SLC26A7: variants seen among roughly 807,000 people sequenced by gnomAD.
The protein encoded by SLC26A7 is anion exchange transporter.
In SLC26A7, 59 loss-of-function variants were observed where a neutral mutation model predicts 82.5. That is an observed-to-expected ratio of 0.72 (90% CI 0.58 to 0.89). The LOEUF is 0.89. Among genes scored for constraint, SLC26A7 ranks in the 40% least tolerant of loss-of-function variants. The pLI, the probability that SLC26A7 is intolerant of heterozygous loss-of-function variation, is 0.00. For missense variants in SLC26A7, 820 were observed against 793.0 expected (o/e 1.03, Z -0.41); for synonymous variants, 271 against 274.3 (o/e 0.99, Z 0.12).
At chr8:91,257,953 A>G (rs1338174620) in intron 2 of SLC26A7, among the ~76,000 whole-genome samples, 1 of 152,068 alleles carries the variant, frequency 6.6e-6, no homozygotes, top group Non-Finnish European at 1.5e-5. Flanking sequence ...GCCTCTTCAC[A>G]GGGTGGCAGG....
At chr8:91,283,923 C>A (rs1011465792) in intron 2 of SLC26A7, among the ~76,000 whole-genome samples, 6 of 152,000 alleles carry the variant, frequency 3.9e-5, no homozygotes, top group African/African-American at 1.5e-4. Context: ...CCTAGAGTTC[C>A]TTTTCTACCA....
intron 2 of SLC26A7, among the ~76,000 whole-genome samples, chr8:91,258,742 G>A (rs190179950): frequency 5.1e-4 from 77 of 152,164 alleles, no homozygotes; most frequent in Non-Finnish European, 9.1e-4. Context: ...TTAGCATAAG[G>A]CAGAAGGAGT....
intron 2 of SLC26A7, among the ~76,000 whole-genome samples, chr8:91,252,867 T>C (rs1240232989): frequency 6.6e-6 from 1 of 152,060 alleles, no homozygotes; most frequent in Non-Finnish European, 1.5e-5. Context: ...GATCCTCATG[T>C]CCCCTATATG....
chr8:91,319,862 T>C (rs1812742160), intron 5 of SLC26A7, among the ~76,000 whole-genome samples: 1 of 152,210 alleles, frequency 6.6e-6, no homozygotes, highest in Non-Finnish European at 1.5e-5. Flanking sequence ...TTTTTCTAGT[T>C]GTGTTAAAGA....
chr8:91,324,615 G>T (rs1462446735), intron 5 of SLC26A7, among the ~76,000 whole-genome samples: 2 of 152,206 alleles, frequency 1.3e-5, no homozygotes, highest in East Asian at 3.8e-4. Context: ...TGAGGATACA[G>T]TTGAACAATA....
chr8:91,288,788 T>G (rs1563661684), intron 2 of SLC26A7, among the ~76,000 whole-genome samples: 1 of 152,178 alleles, frequency 6.6e-6, no homozygotes, highest in African/African-American at 2.4e-5. Flanking sequence ...CACATAAAAT[T>G]ATACATGTGA....
intron 13 of SLC26A7, among the ~76,000 whole-genome samples, chr8:91,365,076 TG>T (rs1414658186): frequency 1.3e-5 from 2 of 152,326 alleles, no homozygotes; most frequent in Admixed American, 1.3e-4. Flanking sequence ...CTTCCTGATT[TG>T]AGAGATCTCT....
At chr8:91,353,381 T>C (rs1169865822) in intron 11 of SLC26A7, among the ~76,000 whole-genome samples, 1 of 152,162 alleles carries the variant, frequency 6.6e-6, no homozygotes, top group Non-Finnish European at 1.5e-5. Flanking sequence ...TCACTAAGAA[T>C]GCACGCTGCG....
chr8:91,321,200 T>C lies in SLC26A7; in HGVS notation c.642+2820T>C, dbSNP rs548641172. 5.9e-5 allele frequency among the ~76,000 whole-genome samples: 9 copies of C among 152,330 alleles called. No individual in the cohort carries two copies. In the East Asian group the frequency reaches 1.5e-3, roughly 26 times the overall value. On this transcript the variant is annotated intron_variant, in intron 5 of 18. Coordinates refer to ENST00000276609, the MANE Select transcript of SLC26A7 (RefSeq NM_052832.4). ...CTAATATTTCCATCTCTTTGGTTGC[T>C]CTGGGGTGGCAGGTGTTCTTGCCAC...
At chr8:91,310,338 T>G (rs1198877235) in intron 4 of SLC26A7, among the ~76,000 whole-genome samples, 2 of 152,110 alleles carry the variant, frequency 1.3e-5, no homozygotes, top group African/African-American at 4.8e-5. Flanking sequence ...CAGGGTTGGC[T>G]CCATTGGTTG....
chr8:91,392,714 G>A (rs946982658), intron 16 of SLC26A7, among the ~76,000 whole-genome samples: 1 of 152,178 alleles, frequency 6.6e-6, no homozygotes, highest in African/African-American at 2.4e-5. Context: ...GTTGAAGGAA[G>A]TAGGCTGACT....
At chr8:91,278,662 G>C (rs1563656543) in intron 2 of SLC26A7, among the ~76,000 whole-genome samples, 1 of 151,960 alleles carries the variant, frequency 6.6e-6, no homozygotes, top group Non-Finnish European at 1.5e-5. Flanking sequence ...TGCTTATGAA[G>C]TACAACATGA....
intron 4 of SLC26A7, among the ~76,000 whole-genome samples, chr8:91,316,970 A>G (rs1812649725): frequency 1.5e-5 from 2 of 136,346 alleles, no homozygotes; most frequent in African/African-American, 5.5e-5. Context: ...CTTGGGCAAC[A>G]CAGTGAGACC....
rs1486503668 is a variant in SLC26A7 at position 91,249,601 on chromosome 8, A to AT, written c.-43dup. On this transcript the variant is annotated 5_prime_UTR_variant, in exon 2 of 19. It removes the in-frame stop codon of an upstream open reading frame in the 5' UTR. Transcript: ENST00000276609. ...CATTGAAAGGAGGTGTTCTGCAATG[A>AT]TTTTTTTTCTTGTTTAGAGAAGTTT... The AT allele has an allele frequency of 1.3e-5, 19 of 1,430,402 alleles. No homozygotes were observed. Among genetic ancestry groups the AT allele is most frequent in the South Asian group, 6.5e-5 (4 of 61,524 alleles). 88.6% of individuals were successfully genotyped at this position (1,430,402 alleles called of 1,614,324 possible).
At chr8:91,247,289 T>C (rs1215376117), upstream of SLC26A7, among the ~76,000 whole-genome samples, 4 of 152,230 alleles carry the variant, frequency 2.6e-5, no homozygotes, top group African/African-American at 4.8e-5. Flanking sequence ...ATATAGATGG[T>C]ACATACTGTT....
chr8:91,363,159 T>C (rs1454733146), intron 12 of SLC26A7, among the ~76,000 whole-genome samples: 3 of 152,090 alleles, frequency 2.0e-5, no homozygotes, highest in African/African-American at 7.2e-5. Context: ...CTTTTCTTGC[T>C]TTTCATTAAA....
intron 2 of SLC26A7, among the ~76,000 whole-genome samples, chr8:91,243,752 T>C (rs181517397): frequency 4.6e-5 from 7 of 152,034 alleles, no homozygotes; most frequent in African/African-American, 1.2e-4. Flanking sequence ...AATCTCACAA[T>C]CCACAAACAA....
chr8:91,326,008 G>T (rs1812922284), intron 5 of SLC26A7, among the ~76,000 whole-genome samples: 1 of 152,072 alleles, frequency 6.6e-6, no homozygotes, highest in Non-Finnish European at 1.5e-5. Flanking sequence ...CCTTTGATAG[G>T]CATTTTAGTT....
chr8:91,348,918 T>G (rs1254367423), intron 9 of SLC26A7, among the ~76,000 whole-genome samples: 12 of 152,226 alleles, frequency 7.9e-5, no homozygotes, highest in Admixed American at 7.9e-4. Flanking sequence ...GAATTCTATT[T>G]TATACACTGC....
Sources: gnomAD v4.1 joint callset for allele counts (sites outside exome capture counted in the v4.1 genomes callset) on GRCh38, gnomAD v4.1.1 for gene constraint, MANE v1.5 for transcripts, NCBI Gene and HGNC (gene_info 2026-07-23, HGNC 2026-07-21) for gene names.